Variants in VSIG10L observed in about 807,000 individuals in gnomAD.
The protein encoded by VSIG10L is V-set and immunoglobulin domain containing 10 like.
In VSIG10L, 63 loss-of-function variants were observed where a neutral mutation model predicts 67.3. That is an observed-to-expected ratio of 0.94 (90% CI 0.76 to 1.15). The LOEUF is 1.15. Among genes scored for constraint, VSIG10L ranks in the 50% most tolerant of loss-of-function variants. VSIG10L has a pLI of 0.00. For missense variants in VSIG10L, 1,050 were observed against 1,177.5 expected, an observed-to-expected ratio of 0.89 and a Z score of 1.58; for synonymous variants, 499 against 524.9, an observed-to-expected ratio of 0.95 and a Z score of 0.67.
intron 8 of VSIG10L, 40 bp downstream of exon 8, chr19:51,334,142 GTCCCTCCCC>G: frequency 1.9e-6 from 3 of 1,539,214 alleles, no homozygotes; most frequent in Non-Finnish European, 2.6e-6. Context: ...TCTTTCTAGG[GTCCCTCCCC>G]GTTGGTCATG....
chr19:51,338,016 T>C lies in VSIG10L; in HGVS notation c.1922A>G (p.Asn641Ser). The C allele has an allele frequency of 6.4e-7, 1 of 1,551,672 alleles. No individual in the cohort carries two copies. Among genetic ancestry groups the C allele is most frequent in the Non-Finnish European group, 8.7e-7 (1 of 1,146,966 alleles). Reference protein sequence around the residue: ...SQDGRKLHIGNFSLDWDLGNY... With the variant: ...SQDGRKLHIGSFSLDWDLGNY... ...TCCCAGGTCCCAATCCAGGCTGAAG[T>C]TGCCGATGTGGAGTTTCCGCCCATC... The change falls in exon 6 of 10, where the codon AAC becomes AGC. Residue 641 changes from asparagine (N) to serine (S), a missense_variant. Physicochemically the swap from Asn to Ser is conservative, Grantham distance 46. Transcript: ENST00000335624.
chr19:51,338,323 T>C, intron 5 of VSIG10L, 115 bp from the exon 6 acceptor site: 1 of 1,199,124 alleles, frequency 8.3e-7, no homozygotes, highest in South Asian at 1.9e-5. Context: ...TTTGGCCACC[T>C]GAGAAAGAAC....
rs996579870 is a variant in VSIG10L at position 51,340,492 on chromosome 19, G to A, written c.1130C>T (p.Thr377Ile). Reference protein sequence around the residue: ...RPVRSDHARYTCRVRSPFGHR... With the variant: ...RPVRSDHARYICRVRSPFGHR... ...GCCGAAGGGGCTGCGGACGCGGCAAGTGTACCGGGCGTGGTCGCTGCGCAC... is the reference window on the plus strand; with the variant it reads ...GCCGAAGGGGCTGCGGACGCGGCAAATGTACCGGGCGTGGTCGCTGCGCAC... Residue 377 changes from threonine (T) to isoleucine (I), a missense_variant, in exon 3 of 10, where the codon ACT becomes ATT. Around this residue, in one of 3 missense-constraint regions of VSIG10L, gnomAD observed 511 missense variants for 557.9 expected, o/e 0.92. Transcript: ENST00000335624. The surrounding 1 kb of genome is among the most constrained non-coding windows in gnomAD (Gnocchi z 6.3). The A allele has an allele frequency of 1.8e-5, 27 of 1,522,684 alleles. No homozygotes were observed. Among genetic ancestry groups the A allele is most frequent in the Middle Eastern group, 1.7e-4 (1 of 5,978 alleles). The allele number at this position is 1,522,684 out of a possible 1,614,324, so 94.3% of individuals were successfully genotyped here.
Position 51,338,205 on chromosome 19 carries a change from GC to G in VSIG10L, c.1732del (p.Ala578ProfsTer110). 2 of 1,465,246 alleles carry G rather than the reference GC, an allele frequency of 1.4e-6. No individual in the cohort carries two copies. Among genetic ancestry groups the G allele is most frequent in the Non-Finnish European group, 9.0e-7 (1 of 1,107,378 alleles). The allele number at this position is 1,465,246 out of a possible 1,614,324, so 90.8% of individuals were successfully genotyped here. A position where few individuals can be genotyped will look rare whatever the true frequency, so the allele number is the denominator to read the frequency against. ...CGGATGCAGCAGCACCTCTCGGGGGGCCTCTGCCGGTGGGAGAAGTCCAGTT... is the reference window on the plus strand; with the variant it reads ...CGGATGCAGCAGCACCTCTCGGGGGGCTCTGCCGGTGGGAGAAGTCCAGTT... The part of the protein sequence containing the change: ...ATRTCTVTPE[A>X]PREVLLHPLV... On this transcript the variant is annotated frameshift_variant and splice_region_variant, in exon 6 of 10. Coordinates refer to ENST00000335624, the MANE Select transcript of VSIG10L (RefSeq NM_001163922.3). LOFTEE classifies it high-confidence loss of function.
intron 7 of VSIG10L, among the ~76,000 whole-genome samples, chr19:51,336,505 G>A (rs1273983869): frequency 6.6e-6 from 1 of 152,124 alleles, no homozygotes; most frequent in Non-Finnish European, 1.5e-5. Flanking sequence ...GGTGAGCCGA[G>A]ATCATGCCAT....
At position 51,341,980 on chromosome 19, in the gene VSIG10L, C is replaced by G. The variant is rs755399839; in HGVS notation, c.68G>C (p.Arg23Thr). The G allele has an allele frequency of 6.4e-7, 1 of 1,551,674 alleles. No individual in the cohort carries two copies. The highest frequency in any genetic ancestry group is 8.7e-7 in the Non-Finnish European group (1 of 1,146,974). Residue 23 changes from arginine to threonine, a missense_variant, in exon 2 of 10, where the codon AGA becomes ACA. Around this residue, in one of 3 missense-constraint regions of VSIG10L, gnomAD observed 511 missense variants for 557.9 expected, o/e 0.92. Transcript: ENST00000335624. ...LASLVGILTLRASSGLQQTNF... is the reference protein window; with the variant it reads ...LASLVGILTLTASSGLQQTNF... The stretch of plus-strand genomic sequence containing the variant: ...GGTTTGCTGAAGTCCAGAAGAGGCT[C>G]TGAGGGTGAGGATCCCTACCAAGGA...
intron 7 of VSIG10L, among the ~76,000 whole-genome samples, chr19:51,336,150 C>A (rs1242420589): frequency 6.6e-6 from 1 of 152,168 alleles, no homozygotes; most frequent in African/African-American, 2.4e-5. Context: ...GAAGTCCTAA[C>A]CCCTGTTCCT....
chr19:51,334,847 A>C (rs1985444247), intron 7 of VSIG10L, among the ~76,000 whole-genome samples: 1 of 13,250 alleles, frequency 7.5e-5, no homozygotes, highest in Admixed American at 4.4e-4. Context: ...AGACTGAGGC[A>C]AGATCACCTG....
In VSIG10L at chr19:51,339,118, C is replaced by G; in HGVS notation, c.1499G>C (p.Cys500Ser). ...GTCCCCGGGACCCCCTTCAACTGAG[C>G]ACTGTGGGGCCCCGGGGGGCAGGTC... ...VADLPPGAPQ[C>S]SVEGGPGDRS... Residue 500 changes from cysteine to serine, a missense_variant, in exon 5 of 10, where the codon TGC becomes TCC. Cys to Ser is a moderately radical substitution (Grantham distance 112). Transcript: ENST00000335624. The G allele has an allele frequency of 7.6e-7, 1 of 1,323,080 alleles. No individual in the cohort carries two copies. The highest frequency in any genetic ancestry group is 9.7e-7 in the Non-Finnish European group (1 of 1,028,592). 82.0% of individuals were successfully genotyped at this position (1,323,080 alleles called of 1,614,324 possible). A position where few individuals can be genotyped will look rare whatever the true frequency, so the allele number is the denominator to read the frequency against.
chr19:51,338,949 G>A lies in VSIG10L; in HGVS notation c.1668C>T (p.Gly556=). Residue 556 remains glycine (G), a synonymous_variant, in exon 5 of 10, where the codon GGC becomes GGT. Transcript: ENST00000335624. The stretch of plus-strand genomic sequence containing the variant: ...GGCGAGCAAGGCAGGTGATGGGGAC[G>A]CCGCTGAGCCGGGGGTGGGCGGGGA... ...AAVPAHPRLS[G]VPITCLARHL... is the part of the protein sequence containing the mutation. The A allele has an allele frequency of 7.0e-7, 1 of 1,431,168 alleles. No individual in the cohort carries two copies. The highest frequency in any genetic ancestry group is 2.9e-5 in the Admixed American group (1 of 34,864). The allele number at this position is 1,431,168 out of a possible 1,614,324, so 88.7% of individuals were successfully genotyped here.
chr19:51,340,038 G>T lies in VSIG10L; in HGVS notation c.1451C>A (p.Ser484Ter), dbSNP rs564220586. 9.0e-6 allele frequency: 13 copies of T among 1,437,152 alleles called. No individual in the cohort carries two copies. Among genetic ancestry groups the T allele is most frequent in the African/African-American group, 8.9e-5 (6 of 67,700 alleles). 89.0% of individuals were successfully genotyped at this position (1,437,152 alleles called of 1,614,324 possible). Residue 484 changes from serine (S) to a stop codon, truncating the protein, a stop_gained, in exon 4 of 10, where the codon TCG becomes TAG. Transcript: ENST00000335624. LOFTEE classifies it high-confidence loss of function. The surrounding 1 kb of genome is among the most constrained non-coding windows in gnomAD (Gnocchi z 6.3). ...ACCCGCCACTGTAAGGTTGAGCAGCGAGCGGCGGCGGCGGCCGGTACGCGG... is the reference window on the plus strand; with the variant it reads ...ACCCGCCACTGTAAGGTTGAGCAGCTAGCGGCGGCGGCGGCCGGTACGCGG... ...ANPRTGRRRRSLLNLTVADLP... is the reference protein window; with the variant it reads ...ANPRTGRRRR
chr19:51,333,892 G>A lies in VSIG10L; in HGVS notation c.2473C>T (p.Pro825Ser), dbSNP rs1000667553. ...HPSTLVPVVT[P>S]SEKKMHSVTP... ...ACACTATGCATCTTCTTTTCTGAGG[G>A]GGTGACCACGGGGACCAAGGTAGAA... is the stretch of plus-strand genomic sequence containing the variant. Residue 825 changes from proline to serine, a missense_variant, in exon 9 of 10, where the codon CCC becomes TCC. This residue lies in a region of VSIG10L where 529 missense variants were observed against 584.9 expected (regional missense o/e 0.90). Transcript: ENST00000335624. 6.4e-7 allele frequency: 1 copy of A among 1,551,584 alleles called. No homozygotes were observed. The highest frequency in any genetic ancestry group is 1.4e-5 in the African/African-American group (1 of 73,048).
intron 7 of VSIG10L, among the ~76,000 whole-genome samples, chr19:51,336,532 C>T (rs146799583): frequency 1.6e-3 from 246 of 151,808 alleles, no homozygotes; most frequent in African/African-American, 5.4e-3. Context: ...CCAGCCTGGG[C>T]GACAAGAGCA....
intron 7 of VSIG10L, among the ~76,000 whole-genome samples, 193 bp downstream of exon 7, chr19:51,337,045 C>T (rs1985500276): frequency 6.6e-6 from 1 of 152,190 alleles, no homozygotes; most frequent in Non-Finnish European, 1.5e-5. Flanking sequence ...GGATTACAGG[C>T]GTGAGCCACC....
chr19:51,332,382 C>A lies in VSIG10L; in HGVS notation c.*229G>T. 1.6e-6 allele frequency: 1 copy of A among 618,020 alleles called. No homozygotes were observed. Among genetic ancestry groups the A allele is most frequent in the Non-Finnish European group, 2.9e-6 (1 of 342,032 alleles). The allele number at this position is 618,020 out of a possible 1,614,324, so 38.3% of individuals were successfully genotyped here. A position where few individuals can be genotyped will look rare whatever the true frequency, so the allele number is the denominator to read the frequency against. ...CACAGTTAGATCAGCAAGAGTTTCC[C>A]AGCCAAGAAGTCACATCTCCTTACT... On this transcript the variant is annotated 3_prime_UTR_variant, in exon 10 of 10. Coordinates refer to ENST00000335624, the MANE Select transcript of VSIG10L (RefSeq NM_001163922.3).
At chr19:51,339,927 C>G in intron 4 of VSIG10L, 88 bp downstream of exon 4, 3 of 1,173,890 alleles carry the variant, frequency 2.6e-6, no homozygotes, top group Non-Finnish European at 3.2e-6. Context: ...CTCCTCCTTG[C>G]TGGCCCCGCC....
chr19:51,338,324 G>T, intron 5 of VSIG10L, 116 bp from the exon 6 acceptor site: 1 of 1,142,964 alleles, frequency 8.7e-7, no homozygotes, highest in Non-Finnish European at 1.2e-6. Context: ...TTGGCCACCT[G>T]AGAAAGAACT....
Position 51,338,055 on chromosome 19 carries a change from A to C in VSIG10L, c.1883T>G (p.Leu628Arg). ...TTTCCGCCCATCTTGACTGAGCCGC[A>C]GGCGACTCCCGCCTCCTGGAGCCAG... The part of the protein sequence containing the change: ...RPLAPGGGSR[L>R]RLSQDGRKLH... Residue 628 changes from leucine to arginine, a missense_variant, in exon 6 of 10, where the codon CTG (leucine) becomes CGG (arginine). Coordinates refer to ENST00000335624, the MANE Select transcript of VSIG10L (RefSeq NM_001163922.3). 6.4e-7 allele frequency: 1 copy of C among 1,551,638 alleles called. No homozygotes were observed. Among genetic ancestry groups the C allele is most frequent in the Non-Finnish European group, 8.7e-7 (1 of 1,146,978 alleles).
In VSIG10L at chr19:51,339,035, A is replaced by G; in HGVS notation, c.1582T>C (p.Phe528Leu). The G allele has an allele frequency of 1.5e-6, 2 of 1,375,926 alleles. No individual in the cohort carries two copies. Among genetic ancestry groups the G allele is most frequent in the Non-Finnish European group, 1.9e-6 (2 of 1,058,506 alleles). The allele number at this position is 1,375,926 out of a possible 1,614,324, so 85.2% of individuals were successfully genotyped here. Reference sequence around the variant, plus strand: ...CGGATGCCTTCGGGGAGACCCTGGAACTGCAGGGAGGCAGCAGGGGCCCCG... The same window carrying G: ...CGGATGCCTTCGGGGAGACCCTGGAGCTGCAGGGAGGCAGCAGGGGCCCCG... ...PGGAPAASLQ[F>L]QGLPEGIRAG... Residue 528 changes from phenylalanine to leucine, a missense_variant, in exon 5 of 10, where the codon TTC becomes CTC. Around this residue, in one of 3 missense-constraint regions of VSIG10L, gnomAD observed 529 missense variants for 584.9 expected, o/e 0.90. Coordinates refer to ENST00000335624, the MANE Select transcript of VSIG10L (RefSeq NM_001163922.3).
Sources: allele counts gnomAD v4.1 joint callset (sites outside exome capture counted in the v4.1 genomes callset), GRCh38; gene constraint gnomAD v4.1.1; regional missense constraint gnomAD v4.1.1; non-coding constraint Gnocchi (gnomAD v3.1); transcripts MANE v1.5; gene names NCBI Gene and HGNC (gene_info 2026-07-23, HGNC 2026-07-21).